Variants in ACOT12 observed in about 807,000 individuals in gnomAD.
ACOT12 encodes the protein acyl-CoA thioesterase 12.
Under a neutral mutation model 67.7 loss-of-function variants are expected in ACOT12, and 51 were observed. The ratio of observed to expected loss-of-function variants is 0.75; its 90% CI spans 0.60 to 0.95. ACOT12 has a LOEUF of 0.95. ACOT12 is among the 40% of genes least tolerant of loss of function. The pLI is 0.00. For synonymous variants in ACOT12, 251 were observed against 244.6 expected, an observed-to-expected ratio of 1.03 and a Z score of -0.24; for missense variants, 734 against 708.1, an observed-to-expected ratio of 1.04 and a Z score of -0.41.
chr5:81,393,917 C>A (rs148909874), intron 1 of ACOT12, 71 bp downstream of exon 1: 18,073 of 1,274,840 alleles, frequency 0.014, 140 homozygotes, highest in Non-Finnish European at 0.016. Flanking sequence ...TCCTACCCCC[C>A]CCAGCCCCCA....
chr5:81,369,549 C>T (rs72771193), intron 3 of ACOT12, among the ~76,000 whole-genome samples: 14,199 of 152,208 alleles, frequency 0.093, 836 homozygotes, highest in Admixed American at 0.13. Context: ...AATTTAGAGG[C>T]TGCCTGGTCA....
At chr5:81,359,591 A>C (rs927003446) in intron 5 of ACOT12, among the ~76,000 whole-genome samples, 6 of 152,232 alleles carry the variant, frequency 3.9e-5, no homozygotes, top group African/African-American at 1.4e-4. Context: ...GTGTCAATGT[A>C]TGGCATTGTC....
At chr5:81,345,340 G>C (rs1244809846) in intron 7 of ACOT12, among the ~76,000 whole-genome samples, 1 of 151,974 alleles carries the variant, frequency 6.6e-6, no homozygotes, top group African/African-American at 2.4e-5. Context: ...TTGGCAATGT[G>C]GGGGAGGGCT....
the ACOT12 span, chr5:81,308,871 G>A: frequency 1.5e-5 from 21 of 1,420,956 alleles, no homozygotes; most frequent in Admixed American, 2.4e-4. Flanking sequence ...TTTATTCAGA[G>A]TATTTTAAAA....
chr5:81,349,245 C>G (rs554317235), intron 5 of ACOT12, among the ~76,000 whole-genome samples: 2 of 152,274 alleles, frequency 1.3e-5, no homozygotes, highest in East Asian at 3.9e-4. Context: ...TTGATGATCT[C>G]TTTTATTTTT....
intron 5 of ACOT12, among the ~76,000 whole-genome samples, chr5:81,350,584 GC>G (rs564537220): frequency 6.6e-6 from 1 of 152,216 alleles, no homozygotes; most frequent in East Asian, 1.9e-4. Context: ...TTGGGAGCTG[GC>G]TTTAAAGTCA....
intron 2 of ACOT12, among the ~76,000 whole-genome samples, chr5:81,379,602 G>A (rs1760521681): frequency 6.6e-6 from 1 of 152,120 alleles, no homozygotes. Context: ...ATCAGGAAAC[G>A]GCCTTAGAAG....
rs1158879745 is a variant in ACOT12, at chr5:81,390,995, T to C, written c.127+2993A>G. ...GAGTGATCCATTGTAGAAACTGTGT[T>C]TCTCTGAAAAGTGTTGGTTTTGTTT... is the stretch of plus-strand genomic sequence containing the variant. On this transcript the variant is annotated intron_variant, in intron 1 of 14. Coordinates refer to ENST00000307624, the MANE Select transcript of ACOT12 (RefSeq NM_130767.3). Among the ~76,000 whole-genome samples the C allele has an allele frequency of 2.6e-5, 4 of 152,202 alleles. No individual in the cohort carries two copies. The East Asian group carries it at 7.7e-4, about 29-fold the overall frequency.
At chr5:81,319,743 C>T in the ACOT12 span, among the ~76,000 whole-genome samples, 1 of 151,818 alleles carries the variant, frequency 6.6e-6, no homozygotes, top group East Asian at 1.9e-4. Context: ...AACCCATACC[C>T]ATTAGCAGTC....
chr5:81,323,083 G>GAAAAAAAAAAAAAAAAAAAAAAAAAA, the ACOT12 span, among the ~76,000 whole-genome samples: 1 of 104,070 alleles, frequency 9.6e-6, no homozygotes, highest in Non-Finnish European at 2.1e-5. Flanking sequence ...ATAGCAAAAA[G>GAAAAAAAAAAAAAAAAAAAAAAAAAA]AAAAAAAAAA....
chr5:81,387,423 T>A (rs921543714), intron 1 of ACOT12, among the ~76,000 whole-genome samples: 1 of 152,222 alleles, frequency 6.6e-6, no homozygotes, highest in African/African-American at 2.4e-5. Flanking sequence ...TAAAGAATAC[T>A]TAATAAACAT....
At chr5:81,338,244 G>A (rs1039701603) in intron 11 of ACOT12, among the ~76,000 whole-genome samples, 2 of 152,128 alleles carry the variant, frequency 1.3e-5, no homozygotes, top group African/African-American at 4.8e-5. Flanking sequence ...TTATTTATTT[G>A]TAACCAACTG....
intron 1 of ACOT12, among the ~76,000 whole-genome samples, chr5:81,391,451 A>G (rs758304822): frequency 3.3e-5 from 5 of 152,222 alleles, no homozygotes; most frequent in Non-Finnish European, 5.9e-5. Context: ...TTATAAGCCT[A>G]CTTTTGTTCA....
chr5:81,377,066 T>C (rs567279164), intron 2 of ACOT12, among the ~76,000 whole-genome samples: 92 of 152,296 alleles, frequency 6.0e-4, no homozygotes, highest in South Asian at 1.4e-3. Context: ...ATATCCCTGA[T>C]GAACATCGAT....
chr5:81,308,999 A>G, the ACOT12 span: 1 of 1,613,298 alleles, frequency 6.2e-7, no homozygotes, highest in Admixed American at 1.7e-5. Context: ...GCACCTGTCT[A>G]GATCTTGTCC....
At chr5:81,373,145 T>C (rs1760304994) in intron 2 of ACOT12, among the ~76,000 whole-genome samples, 1 of 152,206 alleles carries the variant, frequency 6.6e-6, no homozygotes, top group Non-Finnish European at 1.5e-5. Flanking sequence ...GTGATTTTTC[T>C]GCATTTCCAA....
At chr5:81,364,130 A>G (rs1760002375) in intron 3 of ACOT12, among the ~76,000 whole-genome samples, 1 of 151,956 alleles carries the variant, frequency 6.6e-6, no homozygotes, top group African/African-American at 2.4e-5. Context: ...GACTATCCAG[A>G]GTATATATTA....
chr5:81,334,762 A>G (rs916139536), intron 12 of ACOT12, among the ~76,000 whole-genome samples: 170 of 152,342 alleles, frequency 1.1e-3, no homozygotes, highest in African/African-American at 3.5e-3. Context: ...GCGGGGTGCT[A>G]TAGCCAAGGT....
In ACOT12 at chr5:81,330,546, G is replaced by A; in HGVS notation, c.1519-3C>T. On this transcript the variant is annotated splice_region_variant and splice_polypyrimidine_tract_variant and intron_variant, in intron 14 of 14. Transcript: ENST00000307624. ...GACATATGGTTAAAGTAAGATACCTGTTTCAAAAAGAAAGTACAATATTTT... is the reference window on the plus strand; with the variant it reads ...GACATATGGTTAAAGTAAGATACCTATTTCAAAAAGAAAGTACAATATTTT... The A allele has an allele frequency of 6.2e-7, 1 of 1,611,608 alleles. No individual in the cohort carries two copies. The highest frequency in any genetic ancestry group is 2.2e-5 in the East Asian group (1 of 44,862).
Sources: allele counts gnomAD v4.1 joint callset (sites outside exome capture counted in the v4.1 genomes callset), GRCh38; gene constraint gnomAD v4.1.1; transcripts MANE v1.5; gene names NCBI Gene and HGNC (gene_info 2026-07-23, HGNC 2026-07-21).